The following NCKAP5 variants were observed in gnomAD, a reference collection of about 807,000 sequenced individuals.
The protein encoded by NCKAP5 is nck-associated protein 5.
Under a neutral mutation model 167.0 loss-of-function variants are expected in NCKAP5, and 92 were observed. That is an observed-to-expected ratio of 0.55 (90% CI 0.47 to 0.66). NCKAP5 has a LOEUF of 0.66. Ranked by LOEUF, NCKAP5 falls within the 30% of genes least tolerant of loss-of-function variation. The probability of loss-of-function intolerance (pLI) is 0.00; values close to 1 mark genes in which losing one functional copy is unlikely to be tolerated. For missense variants in NCKAP5, 2,378 were observed against 2,315.0 expected, an observed-to-expected ratio of 1.03 and a Z score of -0.56; for synonymous variants, 891 against 877.4, an observed-to-expected ratio of 1.02 and a Z score of -0.27.
chr2:133,547,206 A>G (rs1400571421), intron 2 of NCKAP5, among the ~76,000 whole-genome samples: 1 of 152,146 alleles, frequency 6.6e-6, no homozygotes, highest in Non-Finnish European at 1.5e-5. Context: ...ATTATATCAC[A>G]CACCTGGCTC....
At chr2:132,874,693 T>C (rs1477039946) in intron 9 of NCKAP5, among the ~76,000 whole-genome samples, 5 of 152,196 alleles carry the variant, frequency 3.3e-5, no homozygotes, top group Non-Finnish European at 5.9e-5. Flanking sequence ...CCAGCTCTGA[T>C]TGGAGAGGAA....
At chr2:132,921,633 G>T (rs772212342) in intron 8 of NCKAP5, among the ~76,000 whole-genome samples, 1 of 152,152 alleles carries the variant, frequency 6.6e-6, no homozygotes, top group African/African-American at 2.4e-5. Flanking sequence ...CAATCATCCC[G>T]CCTTTGAAGG....
chr2:132,740,855 A>T (rs1386835073), intron 16 of NCKAP5, among the ~76,000 whole-genome samples: 2 of 152,018 alleles, frequency 1.3e-5, no homozygotes, highest in African/African-American at 4.8e-5. Context: ...ACAAACAATT[A>T]AAAAAGAAAA....
At chr2:133,626,039 G>A in the NCKAP5 span, among the ~76,000 whole-genome samples, 1 of 152,034 alleles carries the variant, frequency 6.6e-6, no homozygotes. Context: ...CAAAAGCAAA[G>A]AATCAAACTA....
At position 132,672,963 on chromosome 2, in the gene NCKAP5, A is replaced by AC; in HGVS notation, c.*325dup. On this transcript the variant is annotated 3_prime_UTR_variant, in exon 20 of 20. Coordinates refer to ENST00000409261, the MANE Select transcript of NCKAP5 (RefSeq NM_207363.3). ...ATCTCTATCAAGCGGTGCACCCCCC[A>AC]CCCCCCACCCATCATTTCTTAAGCG... The AC allele has an allele frequency of 1.1e-5, 1 of 94,574 alleles. No individual in the cohort carries two copies. The highest frequency in any genetic ancestry group is 2.0e-5 in the Non-Finnish European group (1 of 49,824). 5.9% of individuals were successfully genotyped at this position (94,574 alleles called of 1,614,324 possible). A position where few individuals can be genotyped will look rare whatever the true frequency, so the allele number is the denominator to read the frequency against.
chr2:132,828,158 A>G (rs2105352368), intron 11 of NCKAP5, among the ~76,000 whole-genome samples: 1 of 152,290 alleles, frequency 6.6e-6, no homozygotes, highest in South Asian at 2.1e-4. Flanking sequence ...CTTGATCTTG[A>G]ACTGTCCAGC....
chr2:133,344,552 G>A (rs2150782966), intron 3 of NCKAP5, among the ~76,000 whole-genome samples: 1 of 152,256 alleles, frequency 6.6e-6, no homozygotes, highest in Middle Eastern at 3.4e-3. Flanking sequence ...AAAACAGGAT[G>A]ACCAGTCAGG....
chr2:133,364,544 C>G (rs940920135), intron 3 of NCKAP5, among the ~76,000 whole-genome samples: 4 of 152,122 alleles, frequency 2.6e-5, no homozygotes, highest in African/African-American at 9.7e-5. Context: ...CATTCGCTAA[C>G]AGTTCCTTAG....
intron 12 of NCKAP5, among the ~76,000 whole-genome samples, chr2:132,794,330 A>C (rs1684395901): frequency 6.9e-6 from 1 of 145,224 alleles, no homozygotes; most frequent in Non-Finnish European, 1.5e-5. Context: ...AGAGAGAGAA[A>C]GAGAGAGAGA....
intron 4 of NCKAP5, among the ~76,000 whole-genome samples, chr2:133,221,723 G>A (rs1476015085): frequency 6.6e-6 from 1 of 152,120 alleles, no homozygotes; most frequent in Middle Eastern, 3.2e-3. Context: ...TAAATAAGAA[G>A]GCACTTTCTG....
intron 8 of NCKAP5, among the ~76,000 whole-genome samples, chr2:132,955,920 T>C (rs1249519455): frequency 1.3e-5 from 2 of 152,174 alleles, no homozygotes; most frequent in Non-Finnish European, 2.9e-5. Context: ...GATGGTGAGC[T>C]TTTTTTCAAA....
At chr2:133,077,901 T>C (rs1041309398) in intron 6 of NCKAP5, among the ~76,000 whole-genome samples, 1 of 152,182 alleles carries the variant, frequency 6.6e-6, no homozygotes, top group Non-Finnish European at 1.5e-5. Flanking sequence ...GAAGGTCCTT[T>C]TCCATCTCAC....
intron 6 of NCKAP5, among the ~76,000 whole-genome samples, chr2:133,031,064 G>A (rs2078863161): frequency 2.0e-5 from 3 of 151,948 alleles, no homozygotes; most frequent in Non-Finnish European, 2.9e-5. Context: ...AGGCTTTGCC[G>A]ATTGTTCCCC....
intron 3 of NCKAP5, among the ~76,000 whole-genome samples, chr2:133,483,821 C>T (rs1575040056): frequency 1.3e-5 from 2 of 152,158 alleles, no homozygotes; most frequent in African/African-American, 2.4e-5. Context: ...GGTCTCCCCC[C>T]ATATCTATTG....
chr2:133,517,354 T>C (rs913128316), intron 3 of NCKAP5, 104 bp downstream of exon 3: 3 of 517,984 alleles, frequency 5.8e-6, no homozygotes, highest in African/African-American at 2.0e-5. Flanking sequence ...ATGGTGTAAC[T>C]GGAAGAGAGG....
intron 11 of NCKAP5, among the ~76,000 whole-genome samples, chr2:132,828,679 C>G (rs900543678): frequency 2.0e-5 from 3 of 152,170 alleles, no homozygotes; most frequent in Admixed American, 1.3e-4. Context: ...GTGTGGACCA[C>G]AAGGAGTGTA....
At chr2:133,081,682 C>A (rs1296320797) in intron 6 of NCKAP5, among the ~76,000 whole-genome samples, 1 of 152,100 alleles carries the variant, frequency 6.6e-6, no homozygotes, top group Non-Finnish European at 1.5e-5. Flanking sequence ...GAGATGGATA[C>A]AACATTAAAT....
upstream of NCKAP5, among the ~76,000 whole-genome samples, chr2:133,570,034 A>G (rs1688804327): frequency 6.7e-6 from 1 of 150,304 alleles, no homozygotes; most frequent in South Asian, 2.2e-4. Flanking sequence ...TAAAAGGGAG[A>G]CTAATATTCA....
intron 4 of NCKAP5, among the ~76,000 whole-genome samples, chr2:133,258,549 A>G (rs1040843256): frequency 2.0e-5 from 3 of 152,010 alleles, no homozygotes; most frequent in Non-Finnish European, 4.4e-5. Flanking sequence ...TTTGAGACCA[A>G]CCTGTGCAAC....
Sources: allele counts gnomAD v4.1 joint callset (sites outside exome capture counted in the v4.1 genomes callset), GRCh38; gene constraint gnomAD v4.1.1; transcripts MANE v1.5; gene names NCBI Gene and HGNC (gene_info 2026-07-23, HGNC 2026-07-21).